The following PRELID2 variants were observed in gnomAD, a reference collection of about 807,000 sequenced individuals.
PRELID2 encodes the protein PRELI domain-containing protein 2.
PRELID2 carries 25 observed loss-of-function variants against 28.4 expected under a neutral mutation model. The observed-to-expected ratio is 0.88, with a 90% CI of 0.64 to 1.23. The LOEUF is 1.23. PRELID2 is among the 50% of genes most tolerant of loss of function. The pLI is 0.00. For synonymous variants in PRELID2, 76 were observed against 71.6 expected, an observed-to-expected ratio of 1.06 and a Z score of -0.31; for missense variants, 201 against 214.4, an observed-to-expected ratio of 0.94 and a Z score of 0.39.
intron 1 of PRELID2, among the ~76,000 whole-genome samples, chr5:145,516,434 T>C (rs1206465766): frequency 3.9e-5 from 6 of 152,144 alleles, no homozygotes; most frequent in Non-Finnish European, 7.3e-5. Context: ...TTACAAGGGA[T>C]GTGAAGGACC....
At chr5:145,259,578 GCATGGAA>G in the PRELID2 span, among the ~76,000 whole-genome samples, 6 of 152,244 alleles carry the variant, frequency 3.9e-5, no homozygotes, top group Non-Finnish European at 7.3e-5. Context: ...TTTTCGACTT[GCATGGAA>G]CATGTAGCCC....
At chr5:145,614,752 T>C (rs1753670166) in intron 1 of PRELID2, among the ~76,000 whole-genome samples, 1 of 152,170 alleles carries the variant, frequency 6.6e-6, no homozygotes, top group East Asian at 1.9e-4. Flanking sequence ...GTTTTCAAGA[T>C]AAACAATCAT....
chr5:145,748,522 T>C (rs1191581538), intron 1 of PRELID2, among the ~76,000 whole-genome samples: 3 of 152,100 alleles, frequency 2.0e-5, no homozygotes, highest in Non-Finnish European at 1.5e-5. Flanking sequence ...ATAGGAAGAA[T>C]CAATGTCCTG....
the PRELID2 span, among the ~76,000 whole-genome samples, chr5:145,265,573 G>A: frequency 6.6e-6 from 1 of 152,046 alleles, no homozygotes; most frequent in African/African-American, 2.4e-5. Flanking sequence ...AAACTATACT[G>A]TAAGTCCATA....
At chr5:145,728,371 A>G in intron 1 of PRELID2, 1 of 412,818 alleles carries the variant, frequency 2.4e-6, no homozygotes. Context: ...TCTTCCTGGA[A>G]ACCTTTTTTA....
chr5:145,757,139 C>G lies in PRELID2; in HGVS notation c.*3397G>C, dbSNP rs1478350159. On this transcript the variant is annotated 3_prime_UTR_variant, in exon 7 of 7. Coordinates refer to ENST00000683046, the MANE Select transcript of PRELID2 (RefSeq NM_205846.3). ...TAAAAGAATAACCTTGAGTTTTCTACACCATGCACCGCACAATGTCTGATA... is the reference window on the plus strand; with the variant it reads ...TAAAAGAATAACCTTGAGTTTTCTAGACCATGCACCGCACAATGTCTGATA... 2.6e-5 allele frequency among the ~76,000 whole-genome samples: 4 copies of G among 152,180 alleles called. No homozygotes were observed. Among genetic ancestry groups the G allele is most frequent in the Non-Finnish European group, 5.9e-5 (4 of 68,034 alleles).
chr5:145,368,166 TG>T, the PRELID2 span, among the ~76,000 whole-genome samples: 1 of 151,970 alleles, frequency 6.6e-6, no homozygotes, highest in Admixed American at 6.6e-5. Context: ...TAACTTTGTC[TG>T]TCTTATCCAA....
the PRELID2 span, among the ~76,000 whole-genome samples, chr5:145,260,857 G>A: frequency 6.6e-6 from 1 of 152,196 alleles, no homozygotes; most frequent in Non-Finnish European, 1.5e-5. Flanking sequence ...GGCTCCATGG[G>A]ACAGCTGAGG....
the PRELID2 span, among the ~76,000 whole-genome samples, chr5:145,230,812 C>G: frequency 2.6e-5 from 4 of 152,156 alleles, no homozygotes; most frequent in Non-Finnish European, 5.9e-5. Flanking sequence ...CATCTGAAAG[C>G]TTGAATTGAG....
the PRELID2 span, among the ~76,000 whole-genome samples, chr5:145,427,526 C>T: frequency 6.6e-6 from 1 of 152,076 alleles, no homozygotes; most frequent in East Asian, 1.9e-4. Flanking sequence ...AGCACAGTAC[C>T]ATCTGGGTGA....
chr5:145,424,272 A>T, the PRELID2 span, among the ~76,000 whole-genome samples: 2 of 152,102 alleles, frequency 1.3e-5, no homozygotes, highest in Non-Finnish European at 2.9e-5. Context: ...ACCCAGTTCG[A>T]GCTTCCCGGC....
chr5:145,701,207 G>C (rs900939292), intron 1 of PRELID2, among the ~76,000 whole-genome samples: 1 of 152,200 alleles, frequency 6.6e-6, no homozygotes, highest in African/African-American at 2.4e-5. Flanking sequence ...GTAGGTGACA[G>C]AGTCTGAATC....
chr5:145,643,067 C>T (rs999166107), intron 1 of PRELID2, among the ~76,000 whole-genome samples: 2 of 152,172 alleles, frequency 1.3e-5, no homozygotes, highest in East Asian at 1.9e-4. Context: ...TCAATGGTAG[C>T]TTGACGGGGA....
the PRELID2 span, among the ~76,000 whole-genome samples, chr5:145,360,724 ACT>A: frequency 6.6e-6 from 1 of 152,078 alleles, no homozygotes; most frequent in Non-Finnish European, 1.5e-5. Flanking sequence ...GAAGTCAATA[ACT>A]CTATTTGATA....
chr5:145,269,238 T>C, the PRELID2 span, among the ~76,000 whole-genome samples: 3 of 152,032 alleles, frequency 2.0e-5, no homozygotes, highest in Non-Finnish European at 4.4e-5. Flanking sequence ...AAATAAGACA[T>C]GCGGAGATTT....
the PRELID2 span, among the ~76,000 whole-genome samples, chr5:145,423,162 C>A: frequency 3.3e-5 from 5 of 151,974 alleles, no homozygotes; most frequent in African/African-American, 4.8e-5. Context: ...TCTGGCTGCC[C>A]TTAACATTTT....
At chr5:145,378,693 T>G in the PRELID2 span, among the ~76,000 whole-genome samples, 1 of 152,208 alleles carries the variant, frequency 6.6e-6, no homozygotes, top group African/African-American at 2.4e-5. Flanking sequence ...TGCATTGTTT[T>G]ATTATACTTT....
At chr5:145,563,596 A>G (rs893626445) in intron 1 of PRELID2, among the ~76,000 whole-genome samples, 1 of 152,224 alleles carries the variant, frequency 6.6e-6, no homozygotes, top group Non-Finnish European at 1.5e-5. Flanking sequence ...GCAAAAATGC[A>G]GACAGCTTCG....
At chr5:145,243,067 T>C in the PRELID2 span, among the ~76,000 whole-genome samples, 10 of 152,094 alleles carry the variant, frequency 6.6e-5, no homozygotes, top group African/African-American at 2.2e-4. Context: ...TAATTGTGCA[T>C]TTAACAGAAA....
Sources: allele counts gnomAD v4.1 joint callset (sites outside exome capture counted in the v4.1 genomes callset), GRCh38; gene constraint gnomAD v4.1.1; transcripts MANE v1.5; gene names NCBI Gene and HGNC (gene_info 2026-07-23, HGNC 2026-07-21).